Variants in CYSLTR2 observed in about 807,000 individuals in gnomAD.
CYSLTR2 encodes G-protein coupled receptor GPCR21.
For missense variants in CYSLTR2, 398 were observed against 411.9 expected, an observed-to-expected ratio of 0.97 and a Z score of 0.29; for synonymous variants, 179 against 160.8, an observed-to-expected ratio of 1.11 and a Z score of -0.86.
At chr13:48,664,162 T>C (rs1953200757) in intron 1 of CYSLTR2, among the ~76,000 whole-genome samples, 1 of 152,086 alleles carries the variant, frequency 6.6e-6, no homozygotes, top group Non-Finnish European at 1.5e-5. Flanking sequence ...CCTTGCATCC[T>C]GAGATAAATC....
intron 3 of CYSLTR2, among the ~76,000 whole-genome samples, chr13:48,696,047 T>C (rs1594009518): frequency 6.6e-6 from 1 of 152,376 alleles, no homozygotes; most frequent in East Asian, 1.9e-4. Flanking sequence ...TGATCCAGTT[T>C]CTCTGTATTT....
rs35132729 is a variant in CYSLTR2, at chr13:48,705,999, G to GT, written c.-1-804dup. ...TTGTTTTTTGTTTTGTTTTGTTGTT[G>GT]TTTTTTTTTTTTTTGAGATGGAGTT... On this transcript the variant is annotated intron_variant, in intron 4 of 4. Transcript: ENST00000682523. Among the ~76,000 whole-genome samples, 169 of 137,508 alleles carry GT rather than the reference G, an allele frequency of 1.2e-3. 1 individual carries two copies. Among genetic ancestry groups the GT allele is most frequent in the East Asian group, 3.4e-3 (16 of 4,768 alleles). The allele number at this position is 137,508 out of a possible 152,430, so 90.2% of individuals were successfully genotyped here.
At chr13:48,687,216 A>G (rs1953915458) in intron 1 of CYSLTR2, among the ~76,000 whole-genome samples, 1 of 151,992 alleles carries the variant, frequency 6.6e-6, no homozygotes, top group Non-Finnish European at 1.5e-5. Flanking sequence ...GAGGCCATCA[A>G]ACAGGGACTG....
At position 48,707,652 on chromosome 13, in the gene CYSLTR2, T is replaced by G. The variant is rs758252119; in HGVS notation, c.835T>G (p.Cys279Gly). 1.2e-6 allele frequency: 2 copies of G among 1,614,106 alleles called. No individual in the cohort carries two copies. Among genetic ancestry groups the G allele is most frequent in the Non-Finnish European group, 1.7e-6 (2 of 1,180,028 alleles). The change falls in exon 5 of 5, where the codon TGC (cysteine) becomes GGC (glycine). Residue 279 changes from cysteine (C) to glycine (G), a missense_variant. Transcript: ENST00000682523. ...CTTGACGACATGGAAAGTGGGTTTA[T>G]GCAAAGACAGACTGCATAAAGCTTT... ...VHLTTWKVGLCKDRLHKALVI... is the reference protein window; with the variant it reads ...VHLTTWKVGLGKDRLHKALVI...
At chr13:48,655,700 G>C (rs956101909) in intron 1 of CYSLTR2, among the ~76,000 whole-genome samples, 3 of 152,180 alleles carry the variant, frequency 2.0e-5, no homozygotes, top group African/African-American at 7.2e-5. Flanking sequence ...CATGTTTACA[G>C]GCATCAGTTC....
At chr13:48,688,622 G>A (rs565132613) in intron 1 of CYSLTR2, among the ~76,000 whole-genome samples, 9 of 152,284 alleles carry the variant, frequency 5.9e-5, no homozygotes, top group South Asian at 2.1e-4. Flanking sequence ...ATTCCATGGC[G>A]TATATGTGCC....
At chr13:48,698,115 G>C (rs1954243115) in intron 4 of CYSLTR2, among the ~76,000 whole-genome samples, 1 of 152,182 alleles carries the variant, frequency 6.6e-6, no homozygotes, top group East Asian at 1.9e-4. Context: ...TTATCCAGGA[G>C]AACTTCCCCA....
Position 48,706,856 on chromosome 13 carries a change from C to T in CYSLTR2, c.39C>T (p.Ser13=), listed in dbSNP as rs201922826. 5.3e-5 allele frequency: 85 copies of T among 1,613,976 alleles called. 1 individual carries two copies. In the Middle Eastern group the frequency reaches 1.6e-3, roughly 31 times the overall value. Residue 13 remains serine (S), a synonymous_variant, in exon 5 of 5, where the codon TCC becomes TCT. Transcript: ENST00000682523. The stretch of plus-strand genomic sequence containing the variant: ...TTATGTCCTTGCAACCATCCATCTC[C>T]GTATCAGAAATGGAACCAAATGGCA... ...RKFMSLQPSI[S]VSEMEPNGTF... is the part of the protein sequence containing the mutation.
At position 48,707,870 on chromosome 13, in the gene CYSLTR2, A is replaced by G; in HGVS notation, c.*12A>G. The G allele has an allele frequency of 6.6e-7, 1 of 1,510,100 alleles. No individual in the cohort carries two copies. The highest frequency in any genetic ancestry group is 8.9e-7 in the Non-Finnish European group (1 of 1,129,850). The allele number at this position is 1,510,100 out of a possible 1,614,324, so 93.5% of individuals were successfully genotyped here. A position where few individuals can be genotyped will look rare whatever the true frequency, so the allele number is the denominator to read the frequency against. On this transcript the variant is annotated 3_prime_UTR_variant, in exon 5 of 5. Coordinates refer to ENST00000682523, the MANE Select transcript of CYSLTR2 (RefSeq NM_001308476.3). ...AAACAAGAGTATAAGGAGCTCTTAGATGAGACCTGTTCTTGTATCCTTGTG... is the reference window on the plus strand; with the variant it reads ...AAACAAGAGTATAAGGAGCTCTTAGGTGAGACCTGTTCTTGTATCCTTGTG...
chr13:48,702,282 A>C (rs1009376864), intron 4 of CYSLTR2, among the ~76,000 whole-genome samples: 5 of 149,764 alleles, frequency 3.3e-5, no homozygotes, highest in African/African-American at 9.9e-5. Flanking sequence ...AGGGGGAGGG[A>C]TAGCATTAGG....
chr13:48,686,065 G>A (rs1211153292), intron 1 of CYSLTR2, among the ~76,000 whole-genome samples: 1 of 152,170 alleles, frequency 6.6e-6, no homozygotes, highest in East Asian at 1.9e-4. Flanking sequence ...GATACTGTGG[G>A]AAGTGCTAAC....
chr13:48,685,137 G>A (rs769953052), intron 1 of CYSLTR2, among the ~76,000 whole-genome samples: 2 of 152,128 alleles, frequency 1.3e-5, no homozygotes, highest in South Asian at 4.1e-4. Flanking sequence ...GAAGCATGGC[G>A]GCATCTGCTT....
At chr13:48,679,627 T>C (rs1414285049) in intron 1 of CYSLTR2, among the ~76,000 whole-genome samples, 1 of 152,130 alleles carries the variant, frequency 6.6e-6, no homozygotes, top group African/African-American at 2.4e-5. Flanking sequence ...GCAAGGATTG[T>C]TTGAGGACTA....
chr13:48,660,997 G>C (rs190291249), intron 1 of CYSLTR2, among the ~76,000 whole-genome samples: 2 of 152,248 alleles, frequency 1.3e-5, no homozygotes, highest in East Asian at 3.9e-4. Flanking sequence ...CTCTGGTCCA[G>C]GCCCTGACCT....
Position 48,706,816 on chromosome 13 carries a change from G to T in CYSLTR2, c.-1-1G>T. ...TTTGTGTCTGTTTCTTTTTAACCCAGCATGGAGAGAAAATTTATGTCCTTG... is the reference window on the plus strand; with the variant it reads ...TTTGTGTCTGTTTCTTTTTAACCCATCATGGAGAGAAAATTTATGTCCTTG... On this transcript the variant is annotated splice_acceptor_variant, in intron 4 of 4. Coordinates refer to ENST00000682523, the MANE Select transcript of CYSLTR2 (RefSeq NM_001308476.3). LOFTEE classifies it low-confidence loss of function (5UTR_SPLICE). 6.2e-7 allele frequency: 1 copy of T among 1,606,222 alleles called. No homozygotes were observed. The highest frequency in any genetic ancestry group is 8.5e-7 in the Non-Finnish European group (1 of 1,175,620).
intron 1 of CYSLTR2, among the ~76,000 whole-genome samples, chr13:48,680,795 CTTTTCTTTTTTTTTTTTTTT>C (rs1953731399): frequency 9.0e-6 from 1 of 110,618 alleles, no homozygotes; most frequent in Non-Finnish European, 1.8e-5. Context: ...CTTTTCTTTT[CTTTTCTTTTTTTTTTTTTTT>C]TTTTTGCAGT....
rs567453062 is a variant in CYSLTR2, at chr13:48,693,494, A to G, written c.-119A>G. The stretch of plus-strand genomic sequence containing the variant: ...CCTTGAATGTGCACACAAAAAGTGA[A>G]TGGGTCATTTGATAAGGTAACGATT... On this transcript the variant is annotated 5_prime_UTR_variant, in exon 3 of 5. It removes an upstream start codon present in the reference 5' UTR. Coordinates refer to ENST00000682523, the MANE Select transcript of CYSLTR2 (RefSeq NM_001308476.3). 1.1e-4 allele frequency: 16 copies of G among 152,144 alleles called. No homozygotes were observed. The highest frequency in any genetic ancestry group is 3.6e-4 in the African/African-American group (15 of 41,522). 9.4% of individuals were successfully genotyped at this position (152,144 alleles called of 1,614,324 possible).
At chr13:48,683,387 A>C (rs530360480) in intron 1 of CYSLTR2, among the ~76,000 whole-genome samples, 1 of 152,196 alleles carries the variant, frequency 6.6e-6, no homozygotes. Context: ...CCTTGCCAGC[A>C]TCTGTTTTTC....
rs762080474 is a variant in CYSLTR2, at chr13:48,707,664, C to T, written c.847C>T (p.Leu283=). The T allele has an allele frequency of 3.1e-6, 5 of 1,614,144 alleles. No individual in the cohort carries two copies. Among genetic ancestry groups the T allele is most frequent in the Non-Finnish European group, 4.2e-6 (5 of 1,180,030 alleles). Residue 283 remains leucine, a synonymous_variant, in exon 5 of 5, where the codon CTG becomes TTG. Coordinates refer to ENST00000682523, the MANE Select transcript of CYSLTR2 (RefSeq NM_001308476.3). The stretch of plus-strand genomic sequence containing the variant: ...GAAAGTGGGTTTATGCAAAGACAGA[C>T]TGCATAAAGCTTTGGTTATCACACT... ...TWKVGLCKDR[L]HKALVITLAL... is the part of the protein sequence containing the mutation.
Sources: allele counts gnomAD v4.1 joint callset (sites outside exome capture counted in the v4.1 genomes callset), GRCh38; gene constraint gnomAD v4.1.1; transcripts MANE v1.5; gene names NCBI Gene and HGNC (gene_info 2026-07-23, HGNC 2026-07-21).